GPC6: variants seen among roughly 807,000 people sequenced by gnomAD.
GPC6 encodes the protein glypican 6.
A neutral mutation model predicts 55.2 loss-of-function variants in GPC6; 14 were observed. That is an observed-to-expected ratio of 0.25 (90% CI 0.17 to 0.40). The LOEUF is 0.40. Ranked by LOEUF, GPC6 falls within the 10% of genes least tolerant of loss-of-function variation. GPC6 has a pLI of 1.00. For missense variants in GPC6, 641 were observed against 708.5 expected, an observed-to-expected ratio of 0.90 and a Z score of 1.08; for synonymous variants, 278 against 259.6, an observed-to-expected ratio of 1.07 and a Z score of -0.68.
intron 1 of GPC6, among the ~76,000 whole-genome samples, chr13:93,365,068 C>G (rs544938007): frequency 1.3e-5 from 2 of 152,044 alleles, no homozygotes; most frequent in Non-Finnish European, 2.9e-5. Flanking sequence ...ACATCACCCC[C>G]ATGTCAATGA....
rs1482409859 is a variant in GPC6, at chr13:94,347,066, G to A, written c.1153-35348G>A. Among the ~76,000 whole-genome samples, 5 of 152,136 alleles carry A rather than the reference G, an allele frequency of 3.3e-5. No individual in the cohort carries two copies. The East Asian group carries it at 7.7e-4, about 23-fold the overall frequency. ...TTTTTTCTTCTTCAATACCTAGTTT[G>A]TTTACATGTCATTTTGTTCGTTGGA... On this transcript the variant is annotated intron_variant, in intron 6 of 8. Coordinates refer to ENST00000377047, the MANE Select transcript of GPC6 (RefSeq NM_005708.5).
chr13:93,267,376 G>A (rs1877358781), intron 1 of GPC6, among the ~76,000 whole-genome samples: 1 of 147,970 alleles, frequency 6.8e-6, no homozygotes, highest in South Asian at 2.2e-4. Flanking sequence ...CTCATTCATC[G>A]TTTTCCACAG....
intron 2 of GPC6, among the ~76,000 whole-genome samples, chr13:93,601,455 C>T (rs1019164827): frequency 4.6e-5 from 7 of 152,190 alleles, no homozygotes; most frequent in Admixed American, 2.0e-4. Context: ...TTCATACTTT[C>T]GAATAGATGA....
chr13:94,220,002 T>G (rs1594070433), intron 4 of GPC6, among the ~76,000 whole-genome samples: 1 of 152,258 alleles, frequency 6.6e-6, no homozygotes, highest in South Asian at 2.1e-4. Context: ...ACCACATGAC[T>G]TCTGGTTTGG....
At chr13:93,457,179 A>G (rs1404797141) in intron 1 of GPC6, among the ~76,000 whole-genome samples, 2 of 152,168 alleles carry the variant, frequency 1.3e-5, no homozygotes, top group Non-Finnish European at 1.5e-5. Flanking sequence ...TGTCTTCATT[A>G]GTAGCATGAG....
intron 1 of GPC6, among the ~76,000 whole-genome samples, chr13:93,417,808 A>C (rs1209073629): frequency 4.6e-5 from 7 of 152,074 alleles, no homozygotes; most frequent in Non-Finnish European, 7.4e-5. Context: ...ATGGATAAAA[A>C]TCTTCTATAT....
At chr13:94,242,060 C>T (rs527243251) in intron 4 of GPC6, among the ~76,000 whole-genome samples, 15 of 151,902 alleles carry the variant, frequency 9.9e-5, no homozygotes, top group Admixed American at 8.5e-4. Context: ...TAATGCTATC[C>T]CTCCCCACTC....
At chr13:93,771,396 G>A (rs193201996) in intron 2 of GPC6, among the ~76,000 whole-genome samples, 3 of 152,242 alleles carry the variant, frequency 2.0e-5, no homozygotes, top group Admixed American at 2.0e-4. Context: ...GAAGACACAG[G>A]GGAGTGCTGC....
At chr13:93,919,277 T>C (rs1271872815) in intron 3 of GPC6, among the ~76,000 whole-genome samples, 1 of 152,182 alleles carries the variant, frequency 6.6e-6, no homozygotes, top group Non-Finnish European at 1.5e-5. Flanking sequence ...GATATTTCTT[T>C]ATAGCAGCAC....
intron 4 of GPC6, among the ~76,000 whole-genome samples, chr13:94,146,635 T>G (rs962109162): frequency 5.3e-5 from 8 of 152,140 alleles, no homozygotes; most frequent in Admixed American, 2.0e-4. Context: ...CCAAGGTTAC[T>G]GAACCAGGAT....
chr13:94,128,226 G>T (rs1377910580), intron 4 of GPC6, among the ~76,000 whole-genome samples: 1 of 152,068 alleles, frequency 6.6e-6, no homozygotes, highest in Non-Finnish European at 1.5e-5. Context: ...TTTTGGGTGG[G>T]TCATTAACTA....
Position 93,848,365 on chromosome 13 carries a change from G to A in GPC6, c.711+17820G>A, listed in dbSNP as rs140778065. ...TCGTTTTGTGTTGCTTTCTTTCTGTGTTGCTTCCTCTCTATATTTCTCCCT... is the reference window on the plus strand; with the variant it reads ...TCGTTTTGTGTTGCTTTCTTTCTGTATTGCTTCCTCTCTATATTTCTCCCT... On this transcript the variant is annotated intron_variant, in intron 3 of 8. Transcript: ENST00000377047. Among the ~76,000 whole-genome samples the A allele has an allele frequency of 4.3e-3, 657 of 152,050 alleles. 5 individuals carry two copies. Among genetic ancestry groups the A allele is most frequent in the African/African-American group, 0.014 (577 of 41,480 alleles).
chr13:94,318,158 C>T (rs1433364426), intron 6 of GPC6, among the ~76,000 whole-genome samples: 1 of 152,108 alleles, frequency 6.6e-6, no homozygotes, highest in African/African-American at 2.4e-5. Flanking sequence ...GTATCCTTTC[C>T]AGAACAGGCC....
chr13:93,545,618 CTGG>C (rs1299947663), intron 2 of GPC6, among the ~76,000 whole-genome samples, 197 bp downstream of exon 2: 1 of 150,642 alleles, frequency 6.6e-6, no homozygotes, highest in Non-Finnish European at 1.5e-5. Context: ...TTGGTAAAAC[CTGG>C]TTTAACAAAG....
intron 4 of GPC6, among the ~76,000 whole-genome samples, chr13:94,280,247 G>A (rs1269997814): frequency 6.6e-6 from 1 of 152,020 alleles, no homozygotes; most frequent in Non-Finnish European, 1.5e-5. Context: ...TGTTTTTTCA[G>A]AGACTGGGCC....
intron 2 of GPC6, among the ~76,000 whole-genome samples, chr13:93,677,287 A>G (rs1413376365): frequency 1.3e-5 from 2 of 152,126 alleles, no homozygotes; most frequent in African/African-American, 2.4e-5. Context: ...TAAATTGTGT[A>G]TCGTTCTTCT....
chr13:94,110,376 C>T (rs1008181046), intron 4 of GPC6, among the ~76,000 whole-genome samples: 5 of 151,906 alleles, frequency 3.3e-5, no homozygotes, highest in Admixed American at 6.6e-5. Flanking sequence ...GGACTAATAC[C>T]TTAATTTAGA....
At chr13:94,143,731 A>C (rs891540321) in intron 4 of GPC6, among the ~76,000 whole-genome samples, 2 of 152,126 alleles carry the variant, frequency 1.3e-5, no homozygotes, top group African/African-American at 2.4e-5. Flanking sequence ...TTACAAAAAA[A>C]TACAAAAATT....
At chr13:93,878,604 C>T (rs865963190) in intron 3 of GPC6, among the ~76,000 whole-genome samples, 11 of 152,084 alleles carry the variant, frequency 7.2e-5, no homozygotes, top group African/African-American at 2.4e-4. Flanking sequence ...TCTCAAACTC[C>T]TGACCTCCAG....
Sources: gnomAD v4.1 joint callset for allele counts (sites outside exome capture counted in the v4.1 genomes callset) on GRCh38, gnomAD v4.1.1 for gene constraint, MANE v1.5 for transcripts, NCBI Gene and HGNC (gene_info 2026-07-23, HGNC 2026-07-21) for gene names.